ACVR1: variants seen among roughly 807,000 people sequenced by gnomAD.
ACVR1 encodes activin receptor type-1.
In ACVR1, 38 loss-of-function variants were observed where a neutral mutation model predicts 57.1. The observed-to-expected ratio is 0.67, with a 90% CI of 0.51 to 0.87. The LOEUF is 0.87. Ranked by LOEUF, ACVR1 falls within the 40% of genes least tolerant of loss-of-function variation. ACVR1 has a pLI of 0.00. For synonymous variants in ACVR1, 212 were observed against 228.1 expected (o/e 0.93, Z 0.63); for missense variants, 463 against 638.2 (o/e 0.73, Z 2.96).
At chr2:157,824,379 G>C (rs752835774) in intron 1 of ACVR1, among the ~76,000 whole-genome samples, 7 of 152,096 alleles carry the variant, frequency 4.6e-5, no homozygotes, top group South Asian at 2.1e-4. Flanking sequence ...GAGATGGGGG[G>C]ACTGCTTCAG....
chr2:157,833,626 AG>A (rs1312444997), intron 1 of ACVR1, among the ~76,000 whole-genome samples: 1 of 152,248 alleles, frequency 6.6e-6, no homozygotes, highest in African/African-American at 2.4e-5. Context: ...AACAATTACA[AG>A]AAAAATTCAA....
intron 2 of ACVR1, among the ~76,000 whole-genome samples, chr2:157,806,098 G>C (rs943914703): frequency 2.0e-5 from 3 of 151,936 alleles, no homozygotes; most frequent in East Asian, 3.9e-4. Flanking sequence ...AAAGTGCTGG[G>C]ATTACAGGTG....
chr2:157,764,292 G>T (rs1014083060), intron 8 of ACVR1, among the ~76,000 whole-genome samples: 4 of 151,364 alleles, frequency 2.6e-5, no homozygotes, highest in African/African-American at 7.3e-5. Flanking sequence ...AAGCAATTCT[G>T]CTGCCTCAGC....
At chr2:157,799,632 T>A in intron 2 of ACVR1, 132 bp from the exon 3 acceptor site, 1 of 694,268 alleles carries the variant, frequency 1.4e-6, no homozygotes, top group Non-Finnish European at 2.6e-6. Context: ...TTGCCTTACT[T>A]CTTACTACAT....
At chr2:157,865,417 C>T (rs1006149024) in intron 1 of ACVR1, among the ~76,000 whole-genome samples, 1 of 152,158 alleles carries the variant, frequency 6.6e-6, no homozygotes, top group Non-Finnish European at 1.5e-5. Context: ...ATTTAAAATG[C>T]AAATATCCCT....
At chr2:157,802,039 C>T (rs1006891131) in intron 2 of ACVR1, among the ~76,000 whole-genome samples, 2 of 152,156 alleles carry the variant, frequency 1.3e-5, no homozygotes, top group Non-Finnish European at 2.9e-5. Flanking sequence ...TAATTAAAAA[C>T]TGAATAAGAG....
At chr2:157,749,756 G>A (rs937434369) in intron 9 of ACVR1, among the ~76,000 whole-genome samples, 3 of 152,196 alleles carry the variant, frequency 2.0e-5, no homozygotes, top group Admixed American at 1.3e-4. Flanking sequence ...GCCCAAGCAT[G>A]CCATCTGGAG....
chr2:157,846,838 C>T (rs1168281103), intron 1 of ACVR1, among the ~76,000 whole-genome samples: 1 of 152,188 alleles, frequency 6.6e-6, no homozygotes, highest in Non-Finnish European at 1.5e-5. Context: ...CTAATTCCAC[C>T]TCCTGGCCTC....
chr2:157,788,825 G>A (rs1018166462), intron 3 of ACVR1, among the ~76,000 whole-genome samples: 2 of 151,668 alleles, frequency 1.3e-5, no homozygotes, highest in African/African-American at 4.9e-5. Context: ...AAAACTTGGG[G>A]CAGAGTCCAA....
At chr2:157,749,020 A>G (rs910399471) in intron 9 of ACVR1, among the ~76,000 whole-genome samples, 4 of 152,232 alleles carry the variant, frequency 2.6e-5, no homozygotes, top group Non-Finnish European at 5.9e-5. Context: ...TTTGGAAATG[A>G]ACATTAATCT....
At chr2:157,852,492 C>A in intron 1 of ACVR1, among the ~76,000 whole-genome samples, 1 of 133,986 alleles carries the variant, frequency 7.5e-6, no homozygotes, top group East Asian at 2.1e-4. Flanking sequence ...GAGCGAGAGC[C>A]TGTCTCAAAA....
At chr2:157,747,936 C>T (rs1400481889) in intron 9 of ACVR1, among the ~76,000 whole-genome samples, 4 of 152,122 alleles carry the variant, frequency 2.6e-5, no homozygotes, top group Admixed American at 2.6e-4. Flanking sequence ...AAGCTCAACC[C>T]ACAACATTCT....
At chr2:157,844,792 G>T (rs191899508) in intron 1 of ACVR1, among the ~76,000 whole-genome samples, 4 of 151,908 alleles carry the variant, frequency 2.6e-5, no homozygotes. Context: ...AGTATTAAGA[G>T]GGGGGGAGCC....
chr2:157,761,022 G>C lies in ACVR1; in HGVS notation c.1122C>G (p.Pro374=). The part of the protein sequence containing the change: ...STNQLDVGNN[P]RVGTKRYMAP... ...CCATGTAGCGCTTGGTGCCCACACGGGGATTGTTCCCCACATCAAGCTGAT... is the reference window on the plus strand; with the variant it reads ...CCATGTAGCGCTTGGTGCCCACACGCGGATTGTTCCCCACATCAAGCTGAT... The change falls in exon 9 of 11, where the codon CCC becomes CCG. Residue 374 remains proline (P), a synonymous_variant. Transcript: ENST00000434821. 6.2e-7 allele frequency: 1 copy of C among 1,614,086 alleles called. No homozygotes were observed. Among genetic ancestry groups the C allele is most frequent in the Non-Finnish European group, 8.5e-7 (1 of 1,179,996 alleles).
At chr2:157,754,187 C>A (rs1169747965) in intron 9 of ACVR1, among the ~76,000 whole-genome samples, 2 of 152,014 alleles carry the variant, frequency 1.3e-5, no homozygotes, top group African/African-American at 4.8e-5. Context: ...CAACCTAAGG[C>A]CACACCTCAA....
intron 1 of ACVR1, among the ~76,000 whole-genome samples, chr2:157,848,349 G>A (rs1689189714): frequency 6.6e-6 from 1 of 152,162 alleles, no homozygotes; most frequent in African/African-American, 2.4e-5. Context: ...GCCATGCTAT[G>A]AGGAAGCTCA....
Position 157,793,007 on chromosome 2 carries a change from T to C in ACVR1, c.67+6420A>G, listed in dbSNP as rs998562044. 6.6e-5 allele frequency among the ~76,000 whole-genome samples: 10 copies of C among 152,338 alleles called. 1 individual carries two copies. The highest frequency in any genetic ancestry group is 2.4e-4 in the African/African-American group (10 of 41,588). On this transcript the variant is annotated intron_variant, in intron 3 of 10. Coordinates refer to ENST00000434821, the MANE Select transcript of ACVR1 (RefSeq NM_001111067.4). The stretch of plus-strand genomic sequence containing the variant: ...GCAGAGGAAAGTTCCGCAGGACAGT[T>C]TGCAGTGTTTTAAGAGTTACAAATT...
At chr2:157,741,620 T>A (rs1684771783) in intron 9 of ACVR1, among the ~76,000 whole-genome samples, 2 of 142,904 alleles carry the variant, frequency 1.4e-5, no homozygotes, top group Non-Finnish European at 3.0e-5. Flanking sequence ...AGAGACTCTG[T>A]CTCCAAAAAG....
At chr2:157,798,007 T>G (rs1250246021) in intron 3 of ACVR1, among the ~76,000 whole-genome samples, 1 of 152,152 alleles carries the variant, frequency 6.6e-6, no homozygotes, top group Non-Finnish European at 1.5e-5. Flanking sequence ...GAACTTAGAC[T>G]TCCCAGCCTC....
Sources: gnomAD v4.1 joint callset for allele counts (sites outside exome capture counted in the v4.1 genomes callset) on GRCh38, gnomAD v4.1.1 for gene constraint, MANE v1.5 for transcripts, NCBI Gene and HGNC (gene_info 2026-07-23, HGNC 2026-07-21) for gene names.